ACSL5: variants seen among roughly 807,000 people sequenced by gnomAD.
ACSL5 encodes long-chain-fatty-acid--CoA ligase 5.
Under a neutral mutation model 84.9 loss-of-function variants are expected in ACSL5, and 50 were observed. The observed-to-expected ratio is 0.59, with a 90% confidence interval of 0.47 to 0.75. The LOEUF is 0.75. ACSL5 is among the 30% of genes least tolerant of loss of function. The pLI is 0.00. For synonymous variants in ACSL5, 280 were observed against 300.7 expected (o/e 0.93, Z 0.71); for missense variants, 775 against 830.4 (o/e 0.93, Z 0.82).
chr10:112,425,342 G>A lies in ACSL5; in HGVS notation c.1598G>A (p.Gly533Glu). Residue 533 changes from glycine to glutamate, a missense_variant, in exon 18 of 21, where the codon GGA (glycine) becomes GAA (glutamate). Gly to Glu is a moderately conservative substitution (Grantham distance 98). Coordinates refer to ENST00000354655, the MANE Select transcript of ACSL5 (RefSeq NM_203379.2). Reference sequence around the variant, plus strand: ...ACTTTTATCTGTCTCATGTAGAATGGAACTCTGAAGATCATCGACCGTAAA... The same window carrying A: ...ACTTTTATCTGTCTCATGTAGAATGAAACTCTGAAGATCATCGACCGTAAA... ...TGDIGRWLPN[G>E]TLKIIDRKKN... The A allele has an allele frequency of 6.2e-7, 1 of 1,611,348 alleles. No individual in the cohort carries two copies. Among genetic ancestry groups the A allele is most frequent in the South Asian group, 1.1e-5 (1 of 90,722 alleles).
rs1450732122 is a variant in ACSL5 at position 112,409,660 on chromosome 10, A to T, written c.686A>T (p.Glu229Val). ...CAAAGAGGGGAGAAGAGTGGAATTGAGATCTTATCCCTATATGATGCTGAG... is the reference window on the plus strand; with the variant it reads ...CAAAGAGGGGAGAAGAGTGGAATTGTGATCTTATCCCTATATGATGCTGAG... The part of the protein sequence containing the change: ...LKQRGEKSGI[E>V]ILSLYDAENL... The change falls in exon 7 of 21, where the codon GAG becomes GTG. Residue 229 changes from glutamate to valine, a missense_variant. By Grantham distance (121) the Glu-to-Val change is moderately radical. Transcript: ENST00000354655. The T allele has an allele frequency of 6.2e-7, 1 of 1,614,176 alleles. No homozygotes were observed. The highest frequency in any genetic ancestry group is 8.5e-7 in the Non-Finnish European group (1 of 1,180,012).
intron 1 of ACSL5, chr10:112,376,494 G>A: frequency 5.0e-6 from 8 of 1,613,168 alleles, no homozygotes; most frequent in Non-Finnish European, 6.8e-6. Flanking sequence ...GGGGTCTTGT[G>A]AGGGTGTGAC....
intron 18 of ACSL5, 37 bp from the exon 19 acceptor site, chr10:112,426,221 C>A (rs370229359): frequency 6.4e-7 from 1 of 1,551,476 alleles, no homozygotes; most frequent in East Asian, 2.2e-5. Flanking sequence ...TACATAACTT[C>A]TCTCATGCCC....
intron 17 of ACSL5, among the ~76,000 whole-genome samples, chr10:112,423,221 A>AAAAAT (rs1844541709): frequency 1.2e-4 from 2 of 16,088 alleles, no homozygotes; most frequent in Admixed American, 2.0e-3. Flanking sequence ...AAAAAAAAAA[A>AAAAAT]ATATATATAT....
intron 3 of ACSL5, 113 bp downstream of exon 3, chr10:112,399,122 T>C (rs901024408): frequency 1.2e-6 from 1 of 857,208 alleles, no homozygotes; most frequent in Admixed American, 2.1e-5. Context: ...GTGATCCAAG[T>C]AGAATCGCAA....
chr10:112,391,121 G>T (rs559932773), intron 1 of ACSL5, among the ~76,000 whole-genome samples: 14 of 152,220 alleles, frequency 9.2e-5, no homozygotes, highest in Non-Finnish European at 2.1e-4. Flanking sequence ...GCTCATGCCT[G>T]TAATCCCAGC....
chr10:112,403,871 T>G (rs1843965806), intron 3 of ACSL5, among the ~76,000 whole-genome samples: 1 of 152,158 alleles, frequency 6.6e-6, no homozygotes, highest in African/African-American at 2.4e-5. Flanking sequence ...TAAAGTCAAC[T>G]ATAATAGAAC....
intron 17 of ACSL5, among the ~76,000 whole-genome samples, chr10:112,423,201 A>T: frequency 1.9e-5 from 1 of 52,698 alleles, no homozygotes; most frequent in African/African-American, 6.1e-5. Flanking sequence ...AAAAAAAAAA[A>T]AAAAAAAAAA....
intron 5 of ACSL5, among the ~76,000 whole-genome samples, chr10:112,405,547 A>G (rs1701271716): frequency 1.3e-5 from 2 of 152,154 alleles, no homozygotes; most frequent in South Asian, 2.1e-4. Flanking sequence ...ATTCACCAAC[A>G]TTTTTAGGTG....
Position 112,426,910 on chromosome 10 carries a change from T to C in ACSL5, c.1911+51T>C, listed in dbSNP as rs768185369. 46 of 1,440,938 alleles carry C rather than the reference T, an allele frequency of 3.2e-5. No homozygotes were observed. The East Asian group carries it at 1.0e-3, about 33-fold the overall frequency. 89.3% of individuals were successfully genotyped at this position (1,440,938 alleles called of 1,614,324 possible). A position where few individuals can be genotyped will look rare whatever the true frequency, so the allele number is the denominator to read the frequency against. On this transcript the variant is annotated intron_variant, in intron 20 of 20. Coordinates refer to ENST00000354655, the MANE Select transcript of ACSL5 (RefSeq NM_203379.2). ...TGGCCTCTTGTCAGAAAGTTTTGTT[T>C]AAAGTTTCCATCTAATGAGGTTTAA...
chr10:112,374,646 C>T (rs537649974), intron 1 of ACSL5, among the ~76,000 whole-genome samples: 1 of 152,196 alleles, frequency 6.6e-6, no homozygotes, highest in African/African-American at 2.4e-5. Context: ...GCAGAGAGTC[C>T]CATTTGGCAG....
At chr10:112,394,672 C>A in intron 1 of ACSL5, 1 of 885,754 alleles carries the variant, frequency 1.1e-6, no homozygotes, top group Non-Finnish European at 1.4e-6. Flanking sequence ...TTTGATCCTC[C>A]CTGCTCTGTG....
intron 1 of ACSL5, among the ~76,000 whole-genome samples, chr10:112,393,898 A>T (rs1205865740): frequency 6.6e-6 from 1 of 152,214 alleles, no homozygotes; most frequent in Non-Finnish European, 1.5e-5. Flanking sequence ...ATACTACTTT[A>T]TAGTGTTGTT....
chr10:112,395,001 T>C lies in ACSL5; in HGVS notation c.55T>C (p.Cys19Arg), dbSNP rs751048391. 1.9e-6 allele frequency: 3 copies of C among 1,614,102 alleles called. No individual in the cohort carries two copies. In the South Asian group the frequency reaches 3.3e-5, roughly 18 times the overall value. Residue 19 changes from cysteine to arginine, a missense_variant, in exon 2 of 21, where the codon TGC (cysteine) becomes CGC (arginine). Cys to Arg is a radical substitution (Grantham distance 180). Transcript: ENST00000354655. ...FSPLPTPALI[C>R]ILTFGAAIFL... ...CCCACTTCCGACCCCGGCGTTGATC[T>C]GCATCCTGACATTTGGAGCTGCCAT...
chr10:112,410,262 A>G (rs1483385855), intron 7 of ACSL5: 1 of 1,536,860 alleles, frequency 6.5e-7, no homozygotes, highest in Admixed American at 2.0e-5. Flanking sequence ...CTATAGGTAG[A>G]TGATTTTCTA....
In ACSL5 at chr10:112,394,986, AC is replaced by A. The variant is rs1264690228; in HGVS notation, c.44del (p.Pro15ArgfsTer3). ...IFNFLFSPLP[T>X]PALICILTFG... ...TAACTTTTTGTTTTCCCCACTTCCG[AC>A]CCCGGCGTTGATCTGCATCCTGACA... On this transcript the variant is annotated frameshift_variant, in exon 2 of 21. Transcript: ENST00000354655. LOFTEE classifies it high-confidence loss of function. The A allele has an allele frequency of 2.5e-6, 4 of 1,612,602 alleles. No individual in the cohort carries two copies. The highest frequency in any genetic ancestry group is 2.5e-6 in the Non-Finnish European group (3 of 1,179,732).
chr10:112,385,009 T>C (rs1017984202), intron 1 of ACSL5, among the ~76,000 whole-genome samples: 4 of 152,174 alleles, frequency 2.6e-5, no homozygotes, highest in African/African-American at 9.6e-5. Flanking sequence ...CAGAATTCCA[T>C]TGTGTGGAAG....
intron 17 of ACSL5, chr10:112,424,549 C>G (rs539905039): frequency 6.6e-6 from 1 of 152,196 alleles, no homozygotes; most frequent in Admixed American, 6.5e-5. Flanking sequence ...GATATGTCCC[C>G]ACACCAGGGT....
Position 112,417,042 on chromosome 10 carries a change from G to C in ACSL5, c.1218+20G>C. 6.2e-7 allele frequency: 1 copy of C among 1,608,746 alleles called. No individual in the cohort carries two copies. The highest frequency in any genetic ancestry group is 1.1e-5 in the South Asian group (1 of 90,942). ...ATCCAGGTAGGTTGGGCAGGTCCTG[G>C]ACTGAAGCAGGCAAATACCTGGGCT... On this transcript the variant is annotated intron_variant, in intron 13 of 20. Transcript: ENST00000354655.
Sources: gnomAD v4.1 joint callset for allele counts (sites outside exome capture counted in the v4.1 genomes callset) on GRCh38, gnomAD v4.1.1 for gene constraint, MANE v1.5 for transcripts, NCBI Gene and HGNC (gene_info 2026-07-23, HGNC 2026-07-21) for gene names.